The following SGCD variants were observed in gnomAD, a reference collection of about 807,000 sequenced individuals.
The protein encoded by SGCD is sarcoglycan delta, also known as delta-sarcoglycan.
A neutral mutation model predicts 36.6 loss-of-function variants in SGCD; 18 were observed. The ratio of observed to expected loss-of-function variants is 0.49; its 90% CI spans 0.34 to 0.73. The LOEUF is 0.73. Among genes scored for constraint, SGCD ranks in the 30% least tolerant of loss-of-function variants. SGCD has a pLI of 0.01. For synonymous variants in SGCD, 133 were observed against 130.6 expected, an observed-to-expected ratio of 1.02 and a Z score of -0.12; for missense variants, 387 against 346.7, an observed-to-expected ratio of 1.12 and a Z score of -0.92.
At chr5:156,568,871 A>G (rs1167703808) in intron 4 of SGCD, among the ~76,000 whole-genome samples, 1 of 152,258 alleles carries the variant, frequency 6.6e-6, no homozygotes, top group Admixed American at 6.5e-5. Flanking sequence ...AACAGAGTGA[A>G]CATATTATGT....
intron 3 of SGCD, among the ~76,000 whole-genome samples, chr5:156,240,061 G>T (rs1228145855): frequency 6.6e-6 from 1 of 152,148 alleles, no homozygotes; most frequent in African/African-American, 2.4e-5. Context: ...TTGTCTAGAA[G>T]GGGAAGCCTT....
chr5:156,124,585 T>TAAAA (rs1762125103), intron 3 of SGCD, among the ~76,000 whole-genome samples: 1 of 152,198 alleles, frequency 6.6e-6, no homozygotes, highest in South Asian at 2.1e-4. Context: ...CGATAGACAC[T>TAAAA]AATCAACAAA....
chr5:156,693,506 G>T (rs1754193861), intron 7 of SGCD, among the ~76,000 whole-genome samples: 2 of 152,070 alleles, frequency 1.3e-5, no homozygotes, highest in African/African-American at 4.8e-5. Context: ...AGTTGAGAAG[G>T]TGAAAATGAA....
intron 1 of SGCD, among the ~76,000 whole-genome samples, chr5:155,913,164 ATACCTT>A (rs1756665486): frequency 2.0e-5 from 3 of 152,172 alleles, no homozygotes; most frequent in Non-Finnish European, 4.4e-5. Context: ...GGAAAGAGGG[ATACCTT>A]TTGAACAGAA....
chr5:156,182,996 T>C lies in SGCD; in HGVS notation c.-44+58977T>C, dbSNP rs1012261579. Among the ~76,000 whole-genome samples, 10 of 152,182 alleles carry C rather than the reference T, an allele frequency of 6.6e-5. 1 individual carries two copies. In the South Asian group the frequency reaches 8.3e-4, roughly 13 times the overall value. Reference sequence around the variant, plus strand: ...TATGTGGCCTTTAAAGTAATTATTATAGGCCAGGCATGGTGGCTCATGCCT... The same window carrying C: ...TATGTGGCCTTTAAAGTAATTATTACAGGCCAGGCATGGTGGCTCATGCCT... On this transcript the variant is annotated intron_variant, in intron 3 of 9. Coordinates refer to the SGCD transcript ENST00000517913.
chr5:156,680,308 T>C lies in SGCD; in HGVS notation c.575+32772T>C, dbSNP rs1753672280. On this transcript the variant is annotated intron_variant, in intron 7 of 8. Transcript: ENST00000337851. ...GACTGGGTACTTTCTGGTATTTGAC[T>C]TCCTCAAACACCATTTAATCTCTGC... 3.9e-5 allele frequency among the ~76,000 whole-genome samples: 6 copies of C among 152,154 alleles called. No individual in the cohort carries two copies. In the South Asian group the frequency reaches 1.2e-3, roughly 32 times the overall value.
At chr5:156,537,959 C>A (rs573603605) in intron 4 of SGCD, among the ~76,000 whole-genome samples, 1 of 152,214 alleles carries the variant, frequency 6.6e-6, no homozygotes, top group African/African-American at 2.4e-5. Flanking sequence ...GTTAACTAAA[C>A]CAAAGATTAT....
intron 7 of SGCD, among the ~76,000 whole-genome samples, chr5:156,671,410 T>A (rs550967224): frequency 6.6e-6 from 1 of 151,960 alleles, no homozygotes; most frequent in East Asian, 1.9e-4. Flanking sequence ...GTAGCTGTGA[T>A]TACAAGCTCA....
chr5:156,700,857 C>T (rs1484206060), intron 7 of SGCD, among the ~76,000 whole-genome samples: 3 of 150,390 alleles, frequency 2.0e-5, no homozygotes, highest in Middle Eastern at 6.8e-3. Flanking sequence ...GCAGAAAGAT[C>T]GCTTGAGCTT....
chr5:155,766,999 C>T, the SGCD span, among the ~76,000 whole-genome samples: 1 of 152,172 alleles, frequency 6.6e-6, no homozygotes, highest in African/African-American at 2.4e-5. Context: ...AAAGGGACCC[C>T]ACTTCTACAG....
Position 156,060,788 on chromosome 5 carries a change from T to C in SGCD, c.-281-57090T>C, listed in dbSNP as rs1408008806. 2.1e-5 allele frequency among the ~76,000 whole-genome samples: 3 copies of C among 146,176 alleles called. 1 individual carries two copies. Among genetic ancestry groups the C allele is most frequent in the Non-Finnish European group, 4.6e-5 (3 of 64,864 alleles). On this transcript the variant is annotated intron_variant, in intron 1 of 9. Coordinates refer to the SGCD transcript ENST00000517913. ...GAGTGGGAAATAATATACTTTTTAA[T>C]ATTAAAAACTAAAAGATTGACATTA...
intron 1 of SGCD, among the ~76,000 whole-genome samples, chr5:156,099,312 C>A (rs907027690): frequency 2.0e-5 from 3 of 152,216 alleles, no homozygotes; most frequent in African/African-American, 7.2e-5. Flanking sequence ...TCTTTGACTG[C>A]TTATTTGTTT....
chr5:156,516,227 C>A (rs922595835), intron 4 of SGCD, among the ~76,000 whole-genome samples: 3 of 152,180 alleles, frequency 2.0e-5, no homozygotes, highest in Non-Finnish European at 4.4e-5. Flanking sequence ...TGAGACCCCC[C>A]ACACACACAC....
chr5:156,563,261 C>G (rs1242826653), intron 4 of SGCD, among the ~76,000 whole-genome samples: 1 of 152,148 alleles, frequency 6.6e-6, no homozygotes, highest in Non-Finnish European at 1.5e-5. Context: ...GGATTACAGG[C>G]GTGAGACACC....
chr5:156,527,439 C>A (rs1310237369), intron 4 of SGCD, among the ~76,000 whole-genome samples: 3 of 152,170 alleles, frequency 2.0e-5, no homozygotes, highest in African/African-American at 7.2e-5. Context: ...AACCTTCTAT[C>A]TGTACTTTCT....
chr5:156,647,744 G>A (rs1328026064), intron 7 of SGCD, among the ~76,000 whole-genome samples: 1 of 152,080 alleles, frequency 6.6e-6, no homozygotes, highest in East Asian at 1.9e-4. Flanking sequence ...GTAAAAGGTT[G>A]CCCACTTTGT....
chr5:156,387,658 T>C (rs1263030448), intron 3 of SGCD, among the ~76,000 whole-genome samples: 1 of 152,166 alleles, frequency 6.6e-6, no homozygotes, highest in Non-Finnish European at 1.5e-5. Flanking sequence ...AATTATTGTT[T>C]GGCAGAGAGT....
intron 1 of SGCD, among the ~76,000 whole-genome samples, chr5:155,960,686 C>T (rs1757775333): frequency 6.6e-6 from 1 of 152,070 alleles, no homozygotes; most frequent in African/African-American, 2.4e-5. Context: ...CACCTTCTTC[C>T]TTGGTTGTTT....
At chr5:156,260,179 A>G (rs913548668) in intron 3 of SGCD, among the ~76,000 whole-genome samples, 12 of 152,214 alleles carry the variant, frequency 7.9e-5, no homozygotes, top group Non-Finnish European at 1.8e-4. Context: ...TTTAAATAAA[A>G]TAGCATATGT....
Sources: gnomAD v4.1 joint callset for allele counts (sites outside exome capture counted in the v4.1 genomes callset) on GRCh38, gnomAD v4.1.1 for gene constraint, MANE v1.5 for transcripts, NCBI Gene and HGNC (gene_info 2026-07-23, HGNC 2026-07-21) for gene names.